Variants in TEAD1 observed in about 807,000 individuals in gnomAD.
The protein encoded by TEAD1 is TEA domain transcription factor 1, also known as transcriptional enhancer factor TEF-1.
Under a neutral mutation model 54.9 loss-of-function variants are expected in TEAD1, and 9 were observed. That is an observed-to-expected ratio of 0.16 (90% CI 0.10 to 0.29). The LOEUF (loss-of-function observed/expected upper bound fraction) is 0.29. Among genes scored for constraint, TEAD1 ranks in the 10% least tolerant of loss-of-function variants. The pLI, the probability that TEAD1 is intolerant of heterozygous loss-of-function variation, is 1.00. For synonymous variants in TEAD1, 200 were observed against 187.8 expected (o/e 1.07, Z -0.53); for missense variants, 387 against 535.9 (o/e 0.72, Z 2.74).
chr11:12,872,286 T>G (rs1363988568), intron 5 of TEAD1, among the ~76,000 whole-genome samples: 5 of 152,190 alleles, frequency 3.3e-5, no homozygotes, highest in Admixed American at 6.5e-5. Flanking sequence ...CTCTGCTCCT[T>G]CAGGACTTGG....
intron 10 of TEAD1, among the ~76,000 whole-genome samples, chr11:12,924,450 T>C (rs1031104869): frequency 2.6e-5 from 4 of 152,218 alleles, no homozygotes; most frequent in African/African-American, 9.6e-5. Context: ...TAAGCCAGTC[T>C]TTAATAGGAA....
intron 2 of TEAD1, among the ~76,000 whole-genome samples, chr11:12,693,000 C>A (rs1274997309): frequency 6.6e-6 from 1 of 152,118 alleles, no homozygotes; most frequent in East Asian, 1.9e-4. Flanking sequence ...TTTTGAAAAC[C>A]ACCCCTACTG....
chr11:12,923,329 G>A (rs946747499), intron 10 of TEAD1, among the ~76,000 whole-genome samples: 6 of 152,082 alleles, frequency 3.9e-5, no homozygotes, highest in Admixed American at 2.0e-4. Context: ...CCTAAGCCTC[G>A]TCTTCTTTCT....
intron 3 of TEAD1, among the ~76,000 whole-genome samples, chr11:12,773,133 T>G (rs115038098): frequency 0.011 from 1,654 of 152,302 alleles, 31 homozygotes; most frequent in African/African-American, 0.037. Context: ...TTGAGTAGTA[T>G]TCTGTGGTGT....
chr11:12,743,168 T>A lies in TEAD1; in HGVS notation c.-54-21011T>A, dbSNP rs138685670. On this transcript the variant is annotated intron_variant, in intron 2 of 12. Coordinates refer to ENST00000527636, the MANE Select transcript of TEAD1 (RefSeq NM_021961.6). Reference sequence around the variant, plus strand: ...AATGAAACTCTGATCCACATACTAGTTATCTGTTCCCCTCCGCAGAAAAGG... The same window carrying A: ...AATGAAACTCTGATCCACATACTAGATATCTGTTCCCCTCCGCAGAAAAGG... 3.6e-3 allele frequency among the ~76,000 whole-genome samples: 550 copies of A among 152,344 alleles called. 2 individuals are homozygous for A. The highest frequency in any genetic ancestry group is 0.014 in the Middle Eastern group (4 of 294).
chr11:12,749,654 C>T (rs1944824193), intron 2 of TEAD1, among the ~76,000 whole-genome samples: 2 of 152,340 alleles, frequency 1.3e-5, no homozygotes, highest in South Asian at 4.1e-4. Flanking sequence ...GCGCATCAGA[C>T]TTTCTGTCCG....
At chr11:12,781,951 C>CAAAAAAAAAAAAAAAAA (rs71454001) in intron 3 of TEAD1, among the ~76,000 whole-genome samples, 3 of 65,364 alleles carry the variant, frequency 4.6e-5, no homozygotes, top group East Asian at 4.6e-4. Flanking sequence ...CTCGTCTGTA[C>CAAAAAAAAAAAAAAAAA]AAAAAAAAAA....
intron 12 of TEAD1, among the ~76,000 whole-genome samples, chr11:12,935,182 C>T (rs1028994369): frequency 2.0e-5 from 3 of 152,140 alleles, no homozygotes; most frequent in Non-Finnish European, 4.4e-5. Context: ...ATTCGTAGAA[C>T]AGGGGAATTT....
At chr11:12,737,136 T>C (rs980228293) in intron 2 of TEAD1, among the ~76,000 whole-genome samples, 1 of 152,156 alleles carries the variant, frequency 6.6e-6, no homozygotes, top group African/African-American at 2.4e-5. Flanking sequence ...CTCTCTTGTT[T>C]TCAGATGAGG....
At chr11:12,909,465 G>T (rs1948579399) in intron 10 of TEAD1, among the ~76,000 whole-genome samples, 1 of 145,802 alleles carries the variant, frequency 6.9e-6, no homozygotes, top group African/African-American at 2.7e-5. Context: ...ATAAGTGGGA[G>T]TTGAACAATG....
intron 2 of TEAD1, among the ~76,000 whole-genome samples, chr11:12,680,640 T>C (rs1943201146): frequency 6.6e-6 from 1 of 152,242 alleles, no homozygotes; most frequent in South Asian, 2.1e-4. Context: ...GTACACGTGC[T>C]CACATGCAGA....
chr11:12,922,543 A>G lies in TEAD1; in HGVS notation c.874-2369A>G, dbSNP rs1948829464. 1.3e-5 allele frequency: 2 copies of G among 152,190 alleles called. 1 individual carries two copies. The highest frequency in any genetic ancestry group is 4.1e-4 in the South Asian group (2 of 4,830). The allele number at this position is 152,190 out of a possible 1,614,324, so 9.4% of individuals were successfully genotyped here. A position where few individuals can be genotyped will look rare whatever the true frequency, so the allele number is the denominator to read the frequency against. On this transcript the variant is annotated intron_variant, in intron 10 of 12. Coordinates refer to ENST00000527636, the MANE Select transcript of TEAD1 (RefSeq NM_021961.6). ...TTTCCTAATAACCAATTCAAAAAGGAAATTTAAATGTAGATACTTATTTTA... is the reference window on the plus strand; with the variant it reads ...TTTCCTAATAACCAATTCAAAAAGGGAATTTAAATGTAGATACTTATTTTA...
At chr11:12,803,883 C>T (rs949030333) in intron 3 of TEAD1, among the ~76,000 whole-genome samples, 7 of 152,176 alleles carry the variant, frequency 4.6e-5, no homozygotes, top group Admixed American at 1.3e-4. Flanking sequence ...GTTTATAGGA[C>T]GCCAACACTT....
At chr11:12,693,845 C>G (rs1943518442) in intron 2 of TEAD1, among the ~76,000 whole-genome samples, 1 of 152,216 alleles carries the variant, frequency 6.6e-6, no homozygotes, top group Non-Finnish European at 1.5e-5. Flanking sequence ...CTACAAGCCT[C>G]ATAGTTCTTG....
chr11:12,878,639 TA>T (rs1367073947), intron 5 of TEAD1, among the ~76,000 whole-genome samples: 1 of 151,500 alleles, frequency 6.6e-6, no homozygotes, highest in Non-Finnish European at 1.5e-5. Context: ...GGTAGTTTTT[TA>T]TTGTTGCTGT....
rs550507862 is a variant in TEAD1, at chr11:12,798,160, A to G, written c.202+33726A>G. ...CCTTTCCCATAGTTGCCTCCTGCAC[A>G]CATGCTCTGTGGTTGGCCCCCGTTG... On this transcript the variant is annotated intron_variant, in intron 3 of 12. Coordinates refer to ENST00000527636, the MANE Select transcript of TEAD1 (RefSeq NM_021961.6). Among the ~76,000 whole-genome samples the G allele has an allele frequency of 5.8e-4, 89 of 152,214 alleles. 3 individuals carry two copies. Among genetic ancestry groups the G allele is most frequent in the African/African-American group, 2.1e-3 (86 of 41,512 alleles).
rs1261737518 is a variant in TEAD1 at position 12,939,092 on chromosome 11, C to T, written c.*1870C>T. 6.6e-6 allele frequency: 1 copy of T among 152,202 alleles called. No homozygotes were observed. The highest frequency in any genetic ancestry group is 2.4e-5 in the African/African-American group (1 of 41,450). 9.4% of individuals were successfully genotyped at this position (152,202 alleles called of 1,614,324 possible). On this transcript the variant is annotated 3_prime_UTR_variant, in exon 13 of 13. Transcript: ENST00000527636. ...AACAGCAAAACACTAAGCCTGACCT[C>T]TCCCAAATTGGGAAGACCAGAGGAG...
At chr11:12,690,558 GA>G (rs145516368) in intron 2 of TEAD1, among the ~76,000 whole-genome samples, 1,533 of 152,282 alleles carry the variant, frequency 0.01, 21 homozygotes, top group African/African-American at 0.035. Context: ...CTATAAATGG[GA>G]AATTTAGATG....
intron 2 of TEAD1, among the ~76,000 whole-genome samples, chr11:12,719,269 CTG>C (rs1383386786): frequency 2.6e-5 from 4 of 152,052 alleles, no homozygotes; most frequent in Non-Finnish European, 5.9e-5. Flanking sequence ...GGATGAGGGA[CTG>C]TGGTGGCTGC....
Sources: allele counts gnomAD v4.1 joint callset (sites outside exome capture counted in the v4.1 genomes callset), GRCh38; gene constraint gnomAD v4.1.1; transcripts MANE v1.5; gene names NCBI Gene and HGNC (gene_info 2026-07-23, HGNC 2026-07-21).